NETO2: variants seen among roughly 807,000 people sequenced by gnomAD.
The protein encoded by NETO2 is neuropilin and tolloid-like protein 2.
NETO2 carries 28 observed loss-of-function variants against 62.5 expected under a neutral mutation model. The observed-to-expected ratio is 0.45, with a 90% CI of 0.33 to 0.61. The LOEUF (loss-of-function observed/expected upper bound fraction) is 0.61, where lower values mean the gene tolerates loss of function less well. NETO2 is among the 20% of genes least tolerant of loss of function. The pLI, the probability that NETO2 is intolerant of heterozygous loss-of-function variation, is 0.02. For missense variants in NETO2, 548 were observed against 643.2 expected, an observed-to-expected ratio of 0.85 and a Z score of 1.60; for synonymous variants, 214 against 219.1, an observed-to-expected ratio of 0.98 and a Z score of 0.21.
intron 6 of NETO2, among the ~76,000 whole-genome samples, chr16:47,114,600 G>A (rs148242201): frequency 0.01 from 1,582 of 151,246 alleles, 45 homozygotes; most frequent in East Asian, 0.097. Flanking sequence ...ACAGGCCCCC[G>A]CCACCATGCC....
chr16:47,129,530 G>C (rs527530760), intron 2 of NETO2, among the ~76,000 whole-genome samples, 166 bp from the exon 3 acceptor site: 1 of 152,304 alleles, frequency 6.6e-6, no homozygotes, highest in African/African-American at 2.4e-5. Context: ...AAGTGAAAGA[G>C]AGGGAGGGAA....
chr16:47,139,286 A>G (rs964600172), intron 1 of NETO2, among the ~76,000 whole-genome samples: 6 of 152,248 alleles, frequency 3.9e-5, no homozygotes, highest in African/African-American at 1.4e-4. Context: ...ATGAACAAAC[A>G]GTAGCCACAC....
chr16:47,081,702 T>C lies in NETO2; in HGVS notation c.*1519A>G, dbSNP rs1045206146. 6.6e-6 allele frequency: 1 copy of C among 152,538 alleles called. No homozygotes were observed. The highest frequency in any genetic ancestry group is 2.4e-5 in the African/African-American group (1 of 41,464). 9.4% of individuals were successfully genotyped at this position (152,538 alleles called of 1,614,324 possible). A position where few individuals can be genotyped will look rare whatever the true frequency, so the allele number is the denominator to read the frequency against. Reference sequence around the variant, plus strand: ...GAATTTACCTCTTTTAAATGGCATGTCTGTATTACTTACAATTTGATAAAT... The same window carrying C: ...GAATTTACCTCTTTTAAATGGCATGCCTGTATTACTTACAATTTGATAAAT... On this transcript the variant is annotated 3_prime_UTR_variant, in exon 9 of 9. Coordinates refer to ENST00000562435, the MANE Select transcript of NETO2 (RefSeq NM_018092.5).
intron 1 of NETO2, among the ~76,000 whole-genome samples, chr16:47,132,712 T>G (rs1374538542): frequency 2.0e-5 from 3 of 152,228 alleles, no homozygotes; most frequent in Non-Finnish European, 4.4e-5. Context: ...GAAACCACAC[T>G]GCCAGCCTGT....
chr16:47,108,946 T>C (rs1451912564), intron 7 of NETO2, among the ~76,000 whole-genome samples: 4 of 152,244 alleles, frequency 2.6e-5, no homozygotes, highest in Non-Finnish European at 5.9e-5. Context: ...CATAGTTTCA[T>C]GGATTCATAA....
Position 47,083,461 on chromosome 16 carries a change from G to A in NETO2, c.1338C>T (p.Ser446=), listed in dbSNP as rs1221398050. The change falls in exon 9 of 9, where the codon AGC becomes AGT. Residue 446 remains serine, a synonymous_variant. Coordinates refer to ENST00000562435, the MANE Select transcript of NETO2 (RefSeq NM_018092.5). Reference sequence around the variant, plus strand: ...TGAGGTTGGTCCTGCTTTGTTTGACGCTGGAGGCCTGCGACCCACAGTGGT... The same window carrying A: ...TGAGGTTGGTCCTGCTTTGTTTGACACTGGAGGCCTGCGACCCACAGTGGT... ...HDHHCGSQAS[S]VKQSRTNLSS... The A allele has an allele frequency of 4.3e-6, 7 of 1,614,058 alleles. No individual in the cohort carries two copies. The highest frequency in any genetic ancestry group is 2.2e-5 in the South Asian group (2 of 91,086).
At chr16:47,099,381 C>T (rs1171246585) in intron 7 of NETO2, among the ~76,000 whole-genome samples, 1 of 152,140 alleles carries the variant, frequency 6.6e-6, no homozygotes, top group Non-Finnish European at 1.5e-5. Context: ...AGACCATTGA[C>T]ACTATGAAGA....
chr16:47,142,856 G>A (rs976386142), intron 1 of NETO2, among the ~76,000 whole-genome samples: 1 of 152,224 alleles, frequency 6.6e-6, no homozygotes, highest in African/African-American at 2.4e-5. Context: ...TTAATTCCCA[G>A]TACAACAAAT....
At chr16:47,128,254 C>A in intron 4 of NETO2, 71 bp downstream of exon 4, 1 of 1,517,928 alleles carries the variant, frequency 6.6e-7, no homozygotes. Context: ...AATCTCTTTT[C>A]TAACCTTAAG....
intron 7 of NETO2, among the ~76,000 whole-genome samples, chr16:47,106,094 C>G (rs1963666643): frequency 6.6e-6 from 1 of 152,042 alleles, no homozygotes; most frequent in Non-Finnish European, 1.5e-5. Flanking sequence ...GAATACAATT[C>G]TGATACATAT....
chr16:47,127,222 T>G (rs1964174481), intron 4 of NETO2, among the ~76,000 whole-genome samples: 1 of 152,206 alleles, frequency 6.6e-6, no homozygotes, highest in Non-Finnish European at 1.5e-5. Flanking sequence ...GTAAGCTTGG[T>G]GAAGACAGGA....
chr16:47,132,192 T>C (rs1178040411), intron 1 of NETO2, among the ~76,000 whole-genome samples, 167 bp from the exon 2 acceptor site: 1 of 152,166 alleles, frequency 6.6e-6, no homozygotes, highest in Non-Finnish European at 1.5e-5. Context: ...TCTGATTTGC[T>C]ACCTAACCCT....
intron 7 of NETO2, among the ~76,000 whole-genome samples, chr16:47,106,983 C>T (rs1963690104): frequency 2.0e-5 from 3 of 151,996 alleles, no homozygotes; most frequent in Admixed American, 2.0e-4. Flanking sequence ...GGTTTTGCCA[C>T]ATTGCCCAGG....
rs1225833504 is a variant in NETO2, at chr16:47,083,227, G to A, written c.1572C>T (p.Asp524=). Residue 524 remains aspartate, a synonymous_variant, in exon 9 of 9, where the codon GAC becomes GAT. Coordinates refer to ENST00000562435, the MANE Select transcript of NETO2 (RefSeq NM_018092.5). ...CATCACCATTAGCAGAAGATTAGAA[G>A]TCAATGGATATGGATGCTTGTGCAG... ...EDSAQASISI[D]F 3.7e-6 allele frequency: 6 copies of A among 1,607,042 alleles called. No individual in the cohort carries two copies. Among genetic ancestry groups the A allele is most frequent in the Admixed American group, 3.4e-5 (2 of 59,598 alleles).
At chr16:47,114,821 T>A (rs1056614136) in intron 6 of NETO2, among the ~76,000 whole-genome samples, 1 of 152,152 alleles carries the variant, frequency 6.6e-6, no homozygotes, top group African/African-American at 2.4e-5. Context: ...GTAAGATTCT[T>A]TTCATATATT....
At chr16:47,127,537 A>T (rs950177475) in intron 4 of NETO2, among the ~76,000 whole-genome samples, 10 of 152,338 alleles carry the variant, frequency 6.6e-5, no homozygotes, top group Non-Finnish European at 1.3e-4. Context: ...AGCTGTGAAG[A>T]GGGAGGCTGA....
At chr16:47,133,186 A>G (rs1170028155) in intron 1 of NETO2, among the ~76,000 whole-genome samples, 3 of 152,104 alleles carry the variant, frequency 2.0e-5, no homozygotes, top group Admixed American at 2.0e-4. Flanking sequence ...GGTTAAGGGA[A>G]ATAGAATGAG....
intron 4 of NETO2, among the ~76,000 whole-genome samples, chr16:47,128,098 T>C (rs1380565967): frequency 1.3e-5 from 2 of 152,190 alleles, no homozygotes; most frequent in Non-Finnish European, 2.9e-5. Flanking sequence ...TCTAAGAAAA[T>C]GTGGCACCAT....
At chr16:47,088,929 T>C (rs1230277059) in intron 7 of NETO2, among the ~76,000 whole-genome samples, 3 of 152,190 alleles carry the variant, frequency 2.0e-5, no homozygotes, top group Non-Finnish European at 2.9e-5. Flanking sequence ...CAAATGTAGG[T>C]CCACGGTGAA....
Sources: gnomAD v4.1 joint callset for allele counts (sites outside exome capture counted in the v4.1 genomes callset) on GRCh38, gnomAD v4.1.1 for gene constraint, MANE v1.5 for transcripts, NCBI Gene and HGNC (gene_info 2026-07-23, HGNC 2026-07-21) for gene names.